STON1: variants seen among roughly 807,000 people sequenced by gnomAD.
STON1 encodes stonin 1, also known as stonin-1.
Under a neutral mutation model 60.9 loss-of-function variants are expected in STON1, and 79 were observed. The ratio of observed to expected loss-of-function variants is 1.30; its 90% CI spans 1.08 to 1.56. The LOEUF is 1.56. STON1 is among the 40% of genes most tolerant of loss of function. STON1 has a pLI of 0.00. For missense variants in STON1, 1,166 were observed against 858.9 expected (o/e 1.36, Z -4.47); for synonymous variants, 363 against 306.9 (o/e 1.18, Z -1.91).
chr2:48,542,814 G>A (rs1671706175), intron 1 of STON1, among the ~76,000 whole-genome samples: 1 of 152,096 alleles, frequency 6.6e-6, no homozygotes, highest in Non-Finnish European at 1.5e-5. Flanking sequence ...TGAGGCACAA[G>A]GATTGCTTGA....
At chr2:48,566,424 C>A (rs568724339) in intron 1 of STON1, among the ~76,000 whole-genome samples, 1 of 150,908 alleles carries the variant, frequency 6.6e-6, no homozygotes, top group African/African-American at 2.5e-5. Flanking sequence ...GATCTGCCCA[C>A]CTCAGTCTCC....
chr2:48,567,475 G>T (rs144510262), intron 1 of STON1, among the ~76,000 whole-genome samples: 1 of 152,078 alleles, frequency 6.6e-6, no homozygotes, highest in Non-Finnish European at 1.5e-5. Context: ...GCAATGGCGC[G>T]ATCTTAGCTC....
intron 1 of STON1, among the ~76,000 whole-genome samples, chr2:48,571,979 A>G (rs998121169): frequency 2.6e-5 from 4 of 152,188 alleles, no homozygotes; most frequent in African/African-American, 4.8e-5. Flanking sequence ...CCTGGCCAAC[A>G]TGGTGAAACC....
At chr2:48,573,499 G>C (rs1186703348) in intron 1 of STON1, among the ~76,000 whole-genome samples, 1 of 152,180 alleles carries the variant, frequency 6.6e-6, no homozygotes, top group East Asian at 1.9e-4. Context: ...GTCTGGAGAG[G>C]CTGTGCACAC....
At chr2:48,564,562 T>TTCC (rs1672829316) in intron 1 of STON1, among the ~76,000 whole-genome samples, 1 of 63,142 alleles carries the variant, frequency 1.6e-5, no homozygotes, top group Non-Finnish European at 3.1e-5. Context: ...CTTCTTCTTC[T>TTCC]TCTTCTCCTT....
At chr2:48,531,482 T>G (rs1558558117) in intron 1 of STON1, 1 of 152,546 alleles carries the variant, frequency 6.6e-6, no homozygotes, top group Non-Finnish European at 1.5e-5. Flanking sequence ...GTTATTATGG[T>G]TGAATCAGTG....
chr2:48,576,296 T>G (rs1302494964), intron 1 of STON1, among the ~76,000 whole-genome samples: 3 of 147,902 alleles, frequency 2.0e-5, no homozygotes, highest in Non-Finnish European at 4.4e-5. Context: ...TTCAAGTGAT[T>G]CTCATGCCTC....
intron 1 of STON1, among the ~76,000 whole-genome samples, chr2:48,552,165 T>G (rs866696218): frequency 6.6e-6 from 1 of 152,246 alleles, no homozygotes; most frequent in African/African-American, 2.4e-5. Flanking sequence ...TTATTCAGCC[T>G]TAAAAAGGAA....
At chr2:48,569,988 A>ATG (rs1673118821) in intron 1 of STON1, among the ~76,000 whole-genome samples, 1 of 152,206 alleles carries the variant, frequency 6.6e-6, no homozygotes, top group Non-Finnish European at 1.5e-5. Context: ...TTTGTGAAAG[A>ATG]TGTATTTTTA....
At chr2:48,570,113 T>A (rs538366178) in intron 1 of STON1, among the ~76,000 whole-genome samples, 1 of 152,316 alleles carries the variant, frequency 6.6e-6, no homozygotes, top group East Asian at 1.9e-4. Context: ...GGCAGACAGA[T>A]CACTTGAGGT....
In STON1 at chr2:48,580,810, C is replaced by T. The variant is rs1216101126; in HGVS notation, c.177C>T (p.Ser59=). ...CCAGTGGATCTTCCTCCACCAGCAG[C>T]ACTCCTCTCTCCTCCCCCATTGTAG... is the stretch of plus-strand genomic sequence containing the variant. The part of the protein sequence containing the change: ...EFPSGSSSTS[S]TPLSSPIVDF... Residue 59 remains serine, a synonymous_variant, in exon 2 of 4, where the codon AGC becomes AGT. Transcript: ENST00000404752. 5 of 1,551,902 alleles carry T rather than the reference C, an allele frequency of 3.2e-6. No individual in the cohort carries two copies. In the East Asian group the frequency reaches 6.9e-5, roughly 21 times the overall value.
chr2:48,571,726 A>C (rs1441913004), intron 1 of STON1, among the ~76,000 whole-genome samples: 1 of 152,192 alleles, frequency 6.6e-6, no homozygotes, highest in African/African-American at 2.4e-5. Context: ...GAGGGAAGGA[A>C]AGGGAAAGAA....
At chr2:48,539,130 C>G (rs761497128) in intron 1 of STON1, among the ~76,000 whole-genome samples, 1 of 152,084 alleles carries the variant, frequency 6.6e-6, no homozygotes, top group Non-Finnish European at 1.5e-5. Flanking sequence ...GTTGACCAGA[C>G]TGGTCTGAAA....
intron 1 of STON1, among the ~76,000 whole-genome samples, chr2:48,574,940 A>G (rs1192859904): frequency 2.6e-5 from 4 of 152,232 alleles, no homozygotes; most frequent in Non-Finnish European, 5.9e-5. Context: ...AACGATATGC[A>G]CATTGTTGTA....
At chr2:48,559,997 T>A (rs750825829) in intron 1 of STON1, among the ~76,000 whole-genome samples, 6 of 152,114 alleles carry the variant, frequency 3.9e-5, no homozygotes, top group Non-Finnish European at 8.8e-5. Flanking sequence ...AGGAATTACG[T>A]TTTAGGGTAT....
intron 1 of STON1, among the ~76,000 whole-genome samples, chr2:48,550,737 A>C (rs1672068990): frequency 6.6e-6 from 1 of 151,608 alleles, no homozygotes; most frequent in Admixed American, 6.6e-5. Context: ...GAATTCTTTC[A>C]CTGATGTTTA....
intron 1 of STON1, among the ~76,000 whole-genome samples, chr2:48,538,763 A>ATTTTTTTTT (rs34052598): frequency 3.5e-5 from 3 of 86,372 alleles, no homozygotes; most frequent in African/African-American, 4.6e-5. Context: ...ACACCCAGCT[A>ATTTTTTTTT]TTTTTTTTTT....
At chr2:48,552,461 C>G (rs973891709) in intron 1 of STON1, among the ~76,000 whole-genome samples, 1 of 152,070 alleles carries the variant, frequency 6.6e-6, no homozygotes, top group Non-Finnish European at 1.5e-5. Context: ...TATTTAATGC[C>G]ACTAAAGTGT....
intron 1 of STON1, among the ~76,000 whole-genome samples, chr2:48,570,420 G>C (rs576785367): frequency 2.4e-4 from 36 of 152,274 alleles, no homozygotes; most frequent in African/African-American, 8.4e-4. Flanking sequence ...TGCAACCTTT[G>C]TTCGTGTTTT....
Sources: gnomAD v4.1 joint callset for allele counts (sites outside exome capture counted in the v4.1 genomes callset) on GRCh38, gnomAD v4.1.1 for gene constraint, MANE v1.5 for transcripts, NCBI Gene and HGNC (gene_info 2026-07-23, HGNC 2026-07-21) for gene names.